Variants in NLRP14 observed in about 807,000 individuals in gnomAD.
NLRP14 encodes NLR family pyrin domain containing 14, also known as NACHT, LRR and PYD domains-containing protein 14.
In NLRP14, 105 loss-of-function variants were observed where a neutral mutation model predicts 94.7. That is an observed-to-expected ratio of 1.11 (90% CI 0.95 to 1.30). The LOEUF is 1.30. Among genes scored for constraint, NLRP14 ranks in the 50% most tolerant of loss-of-function variants. The pLI, the probability that NLRP14 is intolerant of heterozygous loss-of-function variation, is 0.00. For missense variants in NLRP14, 1,362 were observed against 1,254.1 expected (o/e 1.09, Z -1.30); for synonymous variants, 508 against 459.9 (o/e 1.10, Z -1.34).
At chr11:7,060,739 T>G (rs1303806408) in intron 9 of NLRP14, among the ~76,000 whole-genome samples, 3 of 152,036 alleles carry the variant, frequency 2.0e-5, no homozygotes, top group Non-Finnish European at 4.4e-5. Flanking sequence ...ATGAGCAGAT[T>G]TGCATACATA....
At chr11:7,063,026 A>G (rs1349084151) in intron 10 of NLRP14, among the ~76,000 whole-genome samples, 2 of 152,100 alleles carry the variant, frequency 1.3e-5, no homozygotes, top group Non-Finnish European at 2.9e-5. Context: ...ATTGTGCTCT[A>G]TGTGTGGGAA....
intron 1 of NLRP14, among the ~76,000 whole-genome samples, chr11:7,025,361 T>C (rs1411971101): frequency 1.3e-5 from 2 of 152,272 alleles, no homozygotes; most frequent in African/African-American, 4.8e-5. Context: ...TTAAGGATTT[T>C]CAAGAATTCA....
intron 8 of NLRP14, among the ~76,000 whole-genome samples, 173 bp downstream of exon 8, chr11:7,058,623 G>C (rs559249228): frequency 7.0e-6 from 1 of 142,756 alleles, no homozygotes; most frequent in Non-Finnish European, 1.6e-5. Flanking sequence ...CTCTACTCTG[G>C]ATCTTGTTTT....
chr11:7,079,974 A>G, the NLRP14 span, among the ~76,000 whole-genome samples: 6 of 152,320 alleles, frequency 3.9e-5, no homozygotes, highest in East Asian at 3.9e-4. Flanking sequence ...CAGCATGGGT[A>G]GCAGATGTGG....
Position 7,058,439 on chromosome 11 carries a change from G to A in NLRP14, c.2622G>A (p.Leu874=). The A allele has an allele frequency of 6.2e-7, 1 of 1,611,076 alleles. No homozygotes were observed. Among genetic ancestry groups the A allele is most frequent in the Non-Finnish European group, 8.5e-7 (1 of 1,177,510 alleles). Reference sequence around the variant, plus strand: ...CCCTGCAACATGCACAATGTACTCTGAAGAGCCTTGTGTAAGTGTCTTCAA... The same window carrying A: ...CCCTGCAACATGCACAATGTACTCTAAAGAGCCTTGTGTAAGTGTCTTCAA... ...SDALQHAQCT[L]KSLVLRRCHF... The change falls in exon 8 of 12, where the codon CTG becomes CTA. Residue 874 remains leucine, a synonymous_variant. Coordinates refer to ENST00000299481, the MANE Select transcript of NLRP14 (RefSeq NM_176822.4).
downstream of NLRP14, among the ~76,000 whole-genome samples, chr11:7,074,079 CA>C (rs1166478031): frequency 6.6e-6 from 1 of 152,164 alleles, no homozygotes; most frequent in African/African-American, 2.4e-5. Context: ...CATTAGCATA[CA>C]AAAACACTTA....
Position 7,043,879 on chromosome 11 carries a change from C to A in NLRP14, c.1853C>A (p.Ser618Tyr). Residue 618 changes from serine (S) to tyrosine (Y), a missense_variant, in exon 4 of 12, where the codon TCT becomes TAT. Ser to Tyr is a moderately radical substitution (Grantham distance 144). Coordinates refer to ENST00000299481, the MANE Select transcript of NLRP14 (RefSeq NM_176822.4). The stretch of plus-strand genomic sequence containing the variant: ...TGTGAGAAAATACATTTGCTTGTAT[C>A]TTCTTTCTGCCTTAAGCACTGCCGG... ...NICEKIHLLV[S>Y]SFCLKHCRCL... 1 of 1,614,052 alleles carries A rather than the reference C, an allele frequency of 6.2e-7. No individual in the cohort carries two copies. The highest frequency in any genetic ancestry group is 8.5e-7 in the Non-Finnish European group (1 of 1,179,916).
intron 1 of NLRP14, among the ~76,000 whole-genome samples, chr11:7,029,498 A>C (rs1408523057): frequency 6.6e-6 from 1 of 152,260 alleles, no homozygotes; most frequent in African/African-American, 2.4e-5. Flanking sequence ...CATTTACCAC[A>C]GAAGATACAG....
the NLRP14 span, among the ~76,000 whole-genome samples, chr11:7,082,215 G>C: frequency 6.6e-6 from 1 of 152,152 alleles, no homozygotes; most frequent in African/African-American, 2.4e-5. Context: ...GCAACATTTT[G>C]AGGAAGGAGT....
intron 6 of NLRP14, among the ~76,000 whole-genome samples, chr11:7,055,630 A>G (rs1852505659): frequency 6.6e-6 from 1 of 152,044 alleles, no homozygotes; most frequent in East Asian, 1.9e-4. Flanking sequence ...TTACTCCAAC[A>G]GGGCTCAACT....
Position 7,041,389 on chromosome 11 carries a change from A to G in NLRP14, c.362-999A>G, listed in dbSNP as rs559341650. On this transcript the variant is annotated intron_variant, in intron 3 of 11. Coordinates refer to ENST00000299481, the MANE Select transcript of NLRP14 (RefSeq NM_176822.4). ...ATAACCAGTATTAATATATTGGTGT[A>G]TATGGTACATGTTTTCAGATACATA... Among the ~76,000 whole-genome samples, 5 of 152,320 alleles carry G rather than the reference A, an allele frequency of 3.3e-5. No individual in the cohort carries two copies. The South Asian group carries it at 6.2e-4, about 19-fold the overall frequency.
At chr11:7,047,171 T>G (rs187534260) in intron 5 of NLRP14, among the ~76,000 whole-genome samples, 24 of 152,370 alleles carry the variant, frequency 1.6e-4, no homozygotes, top group African/African-American at 5.8e-4. Flanking sequence ...TTTTTTCTAT[T>G]GAGGAAAAAT....
At chr11:7,065,128 C>G (rs1852685849) in intron 10 of NLRP14, among the ~76,000 whole-genome samples, 1 of 151,986 alleles carries the variant, frequency 6.6e-6, no homozygotes, top group South Asian at 2.1e-4. Flanking sequence ...ATATGTACTG[C>G]CCCCCAACCT....
At chr11:7,076,640 T>C in the NLRP14 span, among the ~76,000 whole-genome samples, 1 of 152,110 alleles carries the variant, frequency 6.6e-6, no homozygotes, top group Non-Finnish European at 1.5e-5. Context: ...CTCTATCTTA[T>C]ATATCATCAT....
chr11:7,079,621 T>C, the NLRP14 span, among the ~76,000 whole-genome samples: 1 of 152,214 alleles, frequency 6.6e-6, no homozygotes, highest in African/African-American at 2.4e-5. Context: ...TTCATTGCAG[T>C]TGGCTTGTGT....
chr11:7,089,677 G>T, the NLRP14 span: 1 of 1,489,520 alleles, frequency 6.7e-7, no homozygotes, highest in Non-Finnish European at 8.9e-7. Flanking sequence ...GCCGTGCGGG[G>T]GCGAGACGGC....
chr11:7,069,015 A>AT (rs746807409), intron 10 of NLRP14, among the ~76,000 whole-genome samples: 11 of 152,026 alleles, frequency 7.2e-5, no homozygotes, highest in Admixed American at 2.6e-4. Flanking sequence ...AATTTTAGTG[A>AT]TTTTTTTCCA....
chr11:7,078,783 C>A, the NLRP14 span, among the ~76,000 whole-genome samples: 1 of 151,652 alleles, frequency 6.6e-6, no homozygotes, highest in Admixed American at 6.6e-5. Context: ...AGTGACACTC[C>A]GTCTCAAAAA....
At chr11:7,059,612 A>G (rs1419310155) in intron 8 of NLRP14, among the ~76,000 whole-genome samples, 3 of 152,126 alleles carry the variant, frequency 2.0e-5, no homozygotes, top group East Asian at 3.9e-4. Flanking sequence ...CTTCTAGTCC[A>G]TGGAGCTACT....
Sources: allele counts gnomAD v4.1 joint callset (sites outside exome capture counted in the v4.1 genomes callset), GRCh38; gene constraint gnomAD v4.1.1; transcripts MANE v1.5; gene names NCBI Gene and HGNC (gene_info 2026-07-23, HGNC 2026-07-21).